CERS1: variants seen among roughly 807,000 people sequenced by gnomAD.
CERS1 encodes the protein ceramide synthase 1, also known as Embryonic growth/differentiation factor 1.
CERS1 carries 16 observed loss-of-function variants against 35.7 expected under a neutral mutation model. The ratio of observed to expected loss-of-function variants is 0.45; its 90% confidence interval spans 0.30 to 0.68. The LOEUF (loss-of-function observed/expected upper bound fraction) is 0.68, where lower values mean the gene tolerates loss of function less well. CERS1 is among the 30% of genes least tolerant of loss of function. The probability of loss-of-function intolerance (pLI) is 0.08; values close to 1 mark genes in which losing one functional copy is unlikely to be tolerated. For missense variants in CERS1, 454 were observed against 453.9 expected, an observed-to-expected ratio of 1.00 and a Z score of 0.00; for synonymous variants, 243 against 201.6, an observed-to-expected ratio of 1.21 and a Z score of -1.74.
rs535134210 is a variant in CERS1, at chr19:18,880,363, G to A, written c.663C>T (p.Leu221=). 207 of 1,571,820 alleles carry A rather than the reference G, an allele frequency of 1.3e-4. No homozygotes were observed. Among genetic ancestry groups the A allele is most frequent in the Non-Finnish European group, 1.5e-4 (179 of 1,158,560 alleles). Residue 221 remains leucine, a synonymous_variant, in exon 4 of 8, where the codon CTC becomes CTT. Coordinates refer to ENST00000623882, the MANE Select transcript of CERS1 (RefSeq NM_021267.5). ...CGCCGCGGGACTTGAAGTAAATGTTGAGCTTGGTGAACTCAAGCTGCACGT... is the reference window on the plus strand; with the variant it reads ...CGCCGCGGGACTTGAAGTAAATGTTAAGCTTGGTGAACTCAAGCTGCACGT... ...ISDVQLEFTK[L]NIYFKSRGGS...
At position 18,870,641 on chromosome 19, in the gene CERS1, G is replaced by A; in HGVS notation, c.1011-22C>T. 1.8e-6 allele frequency: 1 copy of A among 543,500 alleles called. No homozygotes were observed. The highest frequency in any genetic ancestry group is 3.2e-5 in the East Asian group (1 of 31,268). 33.7% of individuals were successfully genotyped at this position (543,500 alleles called of 1,614,324 possible). On this transcript the variant is annotated intron_variant, in intron 6 of 7. Transcript: ENST00000623882. The surrounding 1 kb of genome is among the most constrained non-coding windows in gnomAD (Gnocchi z 5.1). ...CTTCCTGGGGGTCAGAACCGGCGCA[G>A]GTTAGCCTGGGAGCCCCACGCGGCC... is the stretch of plus-strand genomic sequence containing the variant.
In CERS1 at chr19:18,879,292, G is replaced by T; in HGVS notation, c.849C>A (p.Phe283Leu). ...RTVPDIPFYFFFNALLLLLTL... is the reference protein window; with the variant it reads ...RTVPDIPFYFLFNALLLLLTL... ...TGAGCAGCAGCAGGAGCGCATTGAA[G>T]AAGAAGTAGAAGGGGATGTCAGGCA... Residue 283 changes from phenylalanine to leucine, a missense_variant, in exon 5 of 8, where the codon TTC (phenylalanine) becomes TTA (leucine). Transcript: ENST00000623882. 1 of 1,613,298 alleles carries T rather than the reference G, an allele frequency of 6.2e-7. No individual in the cohort carries two copies. The highest frequency in any genetic ancestry group is 1.1e-5 in the South Asian group (1 of 90,858).
chr19:18,893,627 G>C, intron 1 of CERS1, 52 bp from the exon 2 acceptor site: 2 of 1,548,104 alleles, frequency 1.3e-6, no homozygotes, highest in Non-Finnish European at 1.7e-6. Flanking sequence ...GCCAGAGACT[G>C]CTCCTTTGGG....
At chr19:18,876,797 G>C (rs953913821) in intron 6 of CERS1, among the ~76,000 whole-genome samples, 3 of 152,158 alleles carry the variant, frequency 2.0e-5, no homozygotes, top group Admixed American at 2.0e-4. Flanking sequence ...ACATTTCCAT[G>C]GCACATGGGT....
chr19:18,878,816 G>A lies in CERS1; in HGVS notation c.1010+114C>T. The A allele has an allele frequency of 4.0e-6, 6 of 1,494,506 alleles. No homozygotes were observed. The highest frequency in any genetic ancestry group is 5.3e-6 in the Non-Finnish European group (6 of 1,122,482). The allele number at this position is 1,494,506 out of a possible 1,614,324, so 92.6% of individuals were successfully genotyped here. On this transcript the variant is annotated intron_variant, in intron 6 of 7. Transcript: ENST00000623882. The surrounding 1 kb of genome is among the most constrained non-coding windows in gnomAD (Gnocchi z 4.6). ...CTCTGTTTTGGAGTAGGCTTGGGGGGCAGCATCCGCGTCGGCCTCATCTGC... is the reference window on the plus strand; with the variant it reads ...CTCTGTTTTGGAGTAGGCTTGGGGGACAGCATCCGCGTCGGCCTCATCTGC...
chr19:18,890,482 C>T (rs2146059688), intron 2 of CERS1, among the ~76,000 whole-genome samples: 1 of 152,264 alleles, frequency 6.6e-6, no homozygotes, highest in African/African-American at 2.4e-5. Context: ...GTGTCATTTA[C>T]AAAAAGCAAC....
chr19:18,871,408 G>A (rs2055968134), intron 6 of CERS1, among the ~76,000 whole-genome samples: 1 of 149,924 alleles, frequency 6.7e-6, no homozygotes, highest in African/African-American at 2.4e-5. Flanking sequence ...TTTTAGTAGA[G>A]ACAGGGTTTC....
rs1048053843 is a variant in CERS1 at position 18,868,656 on chromosome 19, C to T, written c.*1329G>A. On this transcript the variant is annotated 3_prime_UTR_variant, in exon 8 of 8. Coordinates refer to ENST00000623882, the MANE Select transcript of CERS1 (RefSeq NM_021267.5). ...TCATACTGCCGCAGCACCACGTTGT[C>T]GCTGTTGTCAAAGAAGAGCACGGAG... 4 of 1,575,242 alleles carry T rather than the reference C, an allele frequency of 2.5e-6. No individual in the cohort carries two copies. Among genetic ancestry groups the T allele is most frequent in the South Asian group, 1.2e-5 (1 of 86,012 alleles).
rs368888491 is a variant in CERS1 at position 18,884,134 on chromosome 19, G to A, written c.543C>T (p.Leu181=). 3.1e-6 allele frequency: 5 copies of A among 1,613,402 alleles called. No homozygotes were observed. The South Asian group carries it at 3.3e-5, about 11-fold the overall frequency. The change falls in exon 3 of 8, where the codon CTC becomes CTT. Residue 181 remains leucine, a synonymous_variant. Coordinates refer to ENST00000623882, the MANE Select transcript of CERS1 (RefSeq NM_021267.5). Reference sequence around the variant, plus strand: ...TGAGGATGAGAGTGACCACGTGGTGGAGCAGCATGACCACCGAGTCCTTGC... The same window carrying A: ...TGAGGATGAGAGTGACCACGTGGTGAAGCAGCATGACCACCGAGTCCTTGC... ...TWRKDSVVML[L]HHVVTLILIV...
At chr19:18,890,433 C>A (rs2056461865) in intron 2 of CERS1, among the ~76,000 whole-genome samples, 1 of 152,204 alleles carries the variant, frequency 6.6e-6, no homozygotes, top group Non-Finnish European at 1.5e-5. Context: ...ACAGTAGTCG[C>A]TCAATAAATA....
At position 18,895,362 on chromosome 19, in the gene CERS1, C is replaced by A. The variant is rs902908186; in HGVS notation, c.249+462G>T. On this transcript the variant is annotated intron_variant, in intron 1 of 7. Coordinates refer to ENST00000623882, the MANE Select transcript of CERS1 (RefSeq NM_021267.5). The surrounding 1 kb of genome is among the most constrained non-coding windows in gnomAD (Gnocchi z 6.4). ...ATGGCAGGGAGGCGCATGGCGCAGGCCGCGGTGCGCCGAGCCCTCCCGTTC... is the reference window on the plus strand; with the variant it reads ...ATGGCAGGGAGGCGCATGGCGCAGGACGCGGTGCGCCGAGCCCTCCCGTTC... 2.6e-5 allele frequency among the ~76,000 whole-genome samples: 4 copies of A among 152,226 alleles called. No individual in the cohort carries two copies. The highest frequency in any genetic ancestry group is 9.6e-5 in the African/African-American group (4 of 41,470).
intron 6 of CERS1, among the ~76,000 whole-genome samples, chr19:18,875,757 A>G (rs1419235178): frequency 6.6e-6 from 1 of 152,132 alleles, no homozygotes; most frequent in African/African-American, 2.4e-5. Flanking sequence ...TCACCATGAT[A>G]AGTGTCCTTA....
In CERS1 at chr19:18,870,231, A is replaced by G. The variant is rs2145989610; in HGVS notation, c.*346T>C. The G allele has an allele frequency of 1.3e-6, 2 of 1,553,054 alleles. No homozygotes were observed. Among genetic ancestry groups the G allele is most frequent in the Non-Finnish European group, 8.7e-7 (1 of 1,152,950 alleles). ...GCCTGGGGGCACGGGGGCGCGGGTC[A>G]GGGGCAGCGAGGGCAGCAGCAGGGC... On this transcript the variant is annotated 3_prime_UTR_variant, in exon 7 of 8. Transcript: ENST00000623882. The surrounding 1 kb of genome is among the most constrained non-coding windows in gnomAD (Gnocchi z 5.1).
intron 6 of CERS1, among the ~76,000 whole-genome samples, chr19:18,871,892 GAC>G (rs754322392): frequency 3.3e-5 from 5 of 152,176 alleles, no homozygotes; most frequent in Non-Finnish European, 5.9e-5. Context: ...AAACCTCCGT[GAC>G]ACACTGTCCC....
intron 2 of CERS1, among the ~76,000 whole-genome samples, chr19:18,893,193 G>A (rs58841981): frequency 0.041 from 6,229 of 151,216 alleles, 156 homozygotes; most frequent in African/African-American, 0.057. Context: ...GATTACAGGC[G>A]TGAGCCACTG....
At chr19:18,885,665 A>G (rs1601175951) in intron 2 of CERS1, among the ~76,000 whole-genome samples, 1 of 148,292 alleles carries the variant, frequency 6.7e-6, no homozygotes, top group Non-Finnish European at 1.5e-5. Context: ...GATTACAGGC[A>G]CCCACCACCA....
chr19:18,868,842 G>T lies in CERS1; in HGVS notation c.*1143C>A. ...CACTGACCCTGGCAGTAGTTGGCCAGGAAGCCGCGCGGCGCGATGACCCAG... is the reference window on the plus strand; with the variant it reads ...CACTGACCCTGGCAGTAGTTGGCCATGAAGCCGCGCGGCGCGATGACCCAG... On this transcript the variant is annotated 3_prime_UTR_variant, in exon 8 of 8. Transcript: ENST00000623882. 1 of 1,451,646 alleles carries T rather than the reference G, an allele frequency of 6.9e-7. No individual in the cohort carries two copies. 89.9% of individuals were successfully genotyped at this position (1,451,646 alleles called of 1,614,324 possible).
chr19:18,869,548 G>C (rs944947673), intron 7 of CERS1, among the ~76,000 whole-genome samples, 158 bp from the exon 8 acceptor site: 2 of 151,044 alleles, frequency 1.3e-5, no homozygotes, highest in Non-Finnish European at 1.5e-5. Flanking sequence ...AGTGGGGGCA[G>C]GGCATGAGTT....
At position 18,868,617 on chromosome 19, in the gene CERS1, C is replaced by G. The variant is rs1466920594; in HGVS notation, c.*1368G>C. On this transcript the variant is annotated 3_prime_UTR_variant, in exon 8 of 8. Coordinates refer to ENST00000623882, the MANE Select transcript of CERS1 (RefSeq NM_021267.5). ...CCGGGTTAGCGGCAGCCGCACTCGTCCACCACCATGTCCTCATACTGCCGC... is the reference window on the plus strand; with the variant it reads ...CCGGGTTAGCGGCAGCCGCACTCGTGCACCACCATGTCCTCATACTGCCGC... 1 of 1,566,648 alleles carries G rather than the reference C, an allele frequency of 6.4e-7. No homozygotes were observed. The highest frequency in any genetic ancestry group is 8.7e-7 in the Non-Finnish European group (1 of 1,155,836).
Sources: allele counts gnomAD v4.1 joint callset (sites outside exome capture counted in the v4.1 genomes callset), GRCh38; gene constraint gnomAD v4.1.1; non-coding constraint Gnocchi (gnomAD v3.1); transcripts MANE v1.5; gene names NCBI Gene and HGNC (gene_info 2026-07-23, HGNC 2026-07-21).